The following AATK variants were observed in gnomAD, a reference collection of about 807,000 sequenced individuals.
AATK encodes lemur tail kinase 1, also known as serine/threonine-protein kinase LMTK1.
In AATK, 91 loss-of-function variants were observed where a neutral mutation model predicts 114.3. The ratio of observed to expected loss-of-function variants is 0.80; its 90% CI spans 0.67 to 0.95. The LOEUF (loss-of-function observed/expected upper bound fraction) is 0.95, where lower values mean the gene tolerates loss of function less well. Ranked by LOEUF, AATK falls within the 40% of genes least tolerant of loss-of-function variation. The pLI is 0.00. For synonymous variants in AATK, 1,075 were observed against 916.5 expected, an observed-to-expected ratio of 1.17 and a Z score of -3.12; for missense variants, 2,176 against 1,965.2, an observed-to-expected ratio of 1.11 and a Z score of -2.03.
At position 81,124,922 on chromosome 17, in the gene AATK, CCACT is replaced by C. The variant is rs2060778979; in HGVS notation, c.840+4_840+7del. The stretch of plus-strand genomic sequence containing the variant: ...CATGCCCAGCCCAGCCCACCCCACC[CCACT>C]CACTCTGTACTTGCAGTGAGCCAGG... On this transcript the variant is annotated splice_donor_5th_base_variant and intron_variant, in intron 8 of 13. Coordinates refer to ENST00000326724, the MANE Select transcript of AATK (RefSeq NM_001080395.3). 6.4e-7 allele frequency: 1 copy of C among 1,564,578 alleles called. No individual in the cohort carries two copies. The highest frequency in any genetic ancestry group is 1.2e-5 in the South Asian group (1 of 84,516).
intron 2 of AATK, chr17:81,132,644 T>C: frequency 3.4e-6 from 1 of 294,186 alleles, no homozygotes; most frequent in South Asian, 2.6e-5. Flanking sequence ...GGGCCCGGGC[T>C]CCAGGCATTA....
In AATK at chr17:81,118,440, G is replaced by A. The variant is rs1413688063; in HGVS notation, c.4087C>T (p.Pro1363Ser). The change falls in exon 14 of 14, where the codon CCT becomes TCT. Residue 1363 changes from proline to serine, a missense_variant and splice_region_variant. Physicochemically the swap from Pro to Ser is moderately conservative, Grantham distance 74. Transcript: ENST00000326724. The stretch of plus-strand genomic sequence containing the variant: ...CTCTCACCCCCGGCACCAGCTTCAG[G>A]TCCTGGCAAGCAGGACAACAAAGTG... ...SDSDAESKRG[P>S]EAGAGGESKE... 1.9e-6 allele frequency: 3 copies of A among 1,607,040 alleles called. No individual in the cohort carries two copies. Among genetic ancestry groups the A allele is most frequent in the Non-Finnish European group, 1.7e-6 (2 of 1,177,574 alleles).
rs1385053680 is a variant in AATK at position 81,120,821 on chromosome 17, G to A, written c.3115C>T (p.Leu1039Phe). 3 of 1,576,672 alleles carry A rather than the reference G, an allele frequency of 1.9e-6. No individual in the cohort carries two copies. The highest frequency in any genetic ancestry group is 2.7e-5 in the African/African-American group (2 of 74,204). ...STGQPSEQVC[L>F]RPGVSGEAQG... is the part of the protein sequence containing the mutation. ...GCCTCCCCGGAAACCCCAGGCCTGAGACAGACCTGCTCAGACGGCTGCCCA... is the reference window on the plus strand; with the variant it reads ...GCCTCCCCGGAAACCCCAGGCCTGAAACAGACCTGCTCAGACGGCTGCCCA... The change falls in exon 11 of 14, where the codon CTC (leucine) becomes TTC (phenylalanine). Residue 1039 changes from leucine (L) to phenylalanine (F), a missense_variant. Physicochemically the swap from Leu to Phe is conservative, Grantham distance 22. Transcript: ENST00000326724.
chr17:81,156,454 A>C (rs1439935594), intron 1 of AATK, among the ~76,000 whole-genome samples: 1 of 152,104 alleles, frequency 6.6e-6, no homozygotes, highest in Non-Finnish European at 1.5e-5. Context: ...GCTGGAGTGC[A>C]GTGGTGCTTC....
chr17:81,153,801 C>T (rs1027993703), intron 1 of AATK, among the ~76,000 whole-genome samples: 7 of 152,018 alleles, frequency 4.6e-5, no homozygotes, highest in African/African-American at 1.7e-4. Flanking sequence ...AGAGCAGTGA[C>T]AGCTCACGCC....
At chr17:81,165,710 C>T (rs1239518620) in intron 1 of AATK, 2 of 1,519,784 alleles carry the variant, frequency 1.3e-6, no homozygotes, top group South Asian at 2.4e-5. Context: ...CACGGAGTCA[C>T]GACCACGCGG....
At chr17:81,153,935 G>A (rs1210524959) in intron 1 of AATK, among the ~76,000 whole-genome samples, 3 of 152,104 alleles carry the variant, frequency 2.0e-5, no homozygotes, top group African/African-American at 4.8e-5. Flanking sequence ...ACCCAGCGTG[G>A]TGGCGGGCAC....
intron 7 of AATK, chr17:81,125,265 A>C: frequency 1.3e-6 from 1 of 740,824 alleles, no homozygotes; most frequent in Non-Finnish European, 2.5e-6. Context: ...TGGGCCTCAA[A>C]TGTTACAGTG....
Position 81,121,373 on chromosome 17 carries a change from C to T in AATK, c.2563G>A (p.Ala855Thr). 4 of 1,611,546 alleles carry T rather than the reference C, an allele frequency of 2.5e-6. No homozygotes were observed. Among genetic ancestry groups the T allele is most frequent in the East Asian group, 2.2e-5 (1 of 44,860 alleles). The change falls in exon 11 of 14, where the codon GCA (alanine) becomes ACA (threonine). Residue 855 changes from alanine to threonine, a missense_variant. Physicochemically the swap from Ala to Thr is moderately conservative, Grantham distance 58. Around this residue, in one of 4 missense-constraint regions of AATK, gnomAD observed 1,701 missense variants for 1,394.7 expected, o/e 1.22. Coordinates refer to ENST00000326724, the MANE Select transcript of AATK (RefSeq NM_001080395.3). The stretch of plus-strand genomic sequence containing the variant: ...GTGTCCTCATCCTCACTGCTGGGTG[C>T]CTCCACCTCGGGAGAGCTGCTGCTG... ...NGSSSSPEVE[A>T]PSSEDEDTAE... is the part of the protein sequence containing the mutation.
Position 81,120,444 on chromosome 17 carries a change from G to GTCCTCCTCC in AATK, c.3483_3491dup (p.Glu1161_Glu1163dup), listed in dbSNP as rs747276632. ...CGTCAGACTCGTCGCTGTCCTCACT[G>GTCCTCCTCC]TCCTCCTCCTCCTCCTCCGGCCGGC... On this transcript the variant is annotated inframe_insertion, in exon 11 of 14. Transcript: ENST00000326724. 16 of 1,565,230 alleles carry GTCCTCCTCC rather than the reference G, an allele frequency of 1.0e-5. No individual in the cohort carries two copies.
At chr17:81,136,483 C>T (rs911874468) in intron 1 of AATK, among the ~76,000 whole-genome samples, 1 of 152,094 alleles carries the variant, frequency 6.6e-6, no homozygotes, top group Non-Finnish European at 1.5e-5. Context: ...AGGCAGCTGG[C>T]CTCAGCCTTC....
rs781701216 is a variant in AATK at position 81,121,466 on chromosome 17, G to T, written c.2470C>A (p.Pro824Thr). The T allele has an allele frequency of 1.3e-6, 2 of 1,585,280 alleles. No individual in the cohort carries two copies. Among genetic ancestry groups the T allele is most frequent in the South Asian group, 1.1e-5 (1 of 87,298 alleles). Reference sequence around the variant, plus strand: ...CCAGTAGCAGGCGTGGGAGAGTCAGGCAGGGCATCAGGGGCGTCGGGGGCA... The same window carrying T: ...CCAGTAGCAGGCGTGGGAGAGTCAGTCAGGGCATCAGGGGCGTCGGGGGCA... Reference protein sequence around the residue: ...ASAPDAPDALPDSPTPATGGE... With the variant: ...ASAPDAPDALTDSPTPATGGE... Residue 824 changes from proline (P) to threonine (T), a missense_variant, in exon 11 of 14, where the codon CCT (proline) becomes ACT (threonine). By Grantham distance (38) the Pro-to-Thr change is conservative. This residue lies in a region of AATK where 1,701 missense variants were observed against 1,394.7 expected (regional missense o/e 1.22). Coordinates refer to ENST00000326724, the MANE Select transcript of AATK (RefSeq NM_001080395.3).
chr17:81,134,267 A>C lies in AATK; in HGVS notation c.189+101T>G, dbSNP rs575167781. On this transcript the variant is annotated intron_variant, in intron 2 of 13. Transcript: ENST00000326724. ...CAGCAACTACGGCCACCCAGCAGCCACCTTGATGGCCCCAGGAAGGAGGGA... is the reference window on the plus strand; with the variant it reads ...CAGCAACTACGGCCACCCAGCAGCCCCCTTGATGGCCCCAGGAAGGAGGGA... 1.3e-5 allele frequency: 20 copies of C among 1,497,186 alleles called. No individual in the cohort carries two copies. The African/African-American group carries it at 1.9e-4, about 15-fold the overall frequency. 92.7% of individuals were successfully genotyped at this position (1,497,186 alleles called of 1,614,324 possible).
chr17:81,158,172 A>G (rs1038263589), intron 1 of AATK, among the ~76,000 whole-genome samples: 2 of 152,162 alleles, frequency 1.3e-5, no homozygotes, highest in Non-Finnish European at 2.9e-5. Context: ...AAACAGTCTG[A>G]CGCGCTAGTT....
At chr17:81,137,348 A>C (rs1244403341) in intron 1 of AATK, among the ~76,000 whole-genome samples, 1 of 151,906 alleles carries the variant, frequency 6.6e-6, no homozygotes, top group East Asian at 1.9e-4. Flanking sequence ...CCAGGACACC[A>C]GTGCGCCCAG....
Position 81,140,740 on chromosome 17 carries a change from G to GT in AATK, c.56-6240_56-6239insA, listed in dbSNP as rs1285269555. On this transcript the variant is annotated intron_variant, in intron 1 of 13. Coordinates refer to ENST00000326724, the MANE Select transcript of AATK (RefSeq NM_001080395.3). The stretch of plus-strand genomic sequence containing the variant: ...CCGTGGGGCTGTGAGCCGTGGGGCC[G>GT]GGAGACCGTGGGGCCGTGAGCCGTG... 3.1e-5 allele frequency among the ~76,000 whole-genome samples: 3 copies of GT among 98,298 alleles called. 1 individual carries two copies. The highest frequency in any genetic ancestry group is 6.5e-5 in the Non-Finnish European group (3 of 45,852). 64.5% of individuals were successfully genotyped at this position (98,298 alleles called of 152,430 possible).
intron 1 of AATK, among the ~76,000 whole-genome samples, chr17:81,150,321 G>T (rs530916924): frequency 5.9e-5 from 9 of 151,994 alleles, no homozygotes; most frequent in African/African-American, 2.2e-4. Flanking sequence ...TCAACGCTGG[G>T]TGGGGACAGG....
At chr17:81,124,371 C>T (rs182311822) in intron 9 of AATK, among the ~76,000 whole-genome samples, 190 of 152,318 alleles carry the variant, frequency 1.2e-3, no homozygotes, top group African/African-American at 4.4e-3. Context: ...CTGCCTGGCA[C>T]GGCCCGACCT....
chr17:81,145,681 G>A (rs944494742), intron 1 of AATK, among the ~76,000 whole-genome samples: 1 of 146,056 alleles, frequency 6.8e-6, no homozygotes, highest in Non-Finnish European at 1.5e-5. Context: ...TGCAGTGAGC[G>A]GAAATCGTGC....
Sources: allele counts gnomAD v4.1 joint callset (sites outside exome capture counted in the v4.1 genomes callset), GRCh38; gene constraint gnomAD v4.1.1; regional missense constraint gnomAD v4.1.1; transcripts MANE v1.5; gene names NCBI Gene and HGNC (gene_info 2026-07-23, HGNC 2026-07-21).